The following ABCA4 variants were observed in gnomAD, a reference collection of about 807,000 sequenced individuals.
The protein encoded by ABCA4 is ATP binding cassette subfamily A member 4, also known as retinal-specific phospholipid-transporting ATPase ABCA4.
ABCA4 carries 196 observed loss-of-function variants against 263.7 expected under a neutral mutation model. The ratio of observed to expected loss-of-function variants is 0.74; its 90% CI spans 0.66 to 0.84. The LOEUF is 0.84. ABCA4 is among the 40% of genes least tolerant of loss of function. The pLI is 0.00. For synonymous variants in ABCA4, 1,133 were observed against 1,094.2 expected (o/e 1.04, Z -0.70); for missense variants, 2,792 against 2,855.1 (o/e 0.98, Z 0.50).
At chr1:94,116,977 T>TCTTC (rs1491131048) in intron 1 of ABCA4, among the ~76,000 whole-genome samples, 33 of 97,828 alleles carry the variant, frequency 3.4e-4, no homozygotes, top group Admixed American at 2.6e-3. Context: ...TCTCTTTCTT[T>TCTTC]CTTTCTTTCT....
chr1:94,051,535 C>T (rs949902597), intron 17 of ABCA4, 98 bp downstream of exon 17: 7 of 1,111,964 alleles, frequency 6.3e-6, no homozygotes, highest in Middle Eastern at 2.0e-4. Flanking sequence ...GGAATCACAC[C>T]GTTTACATAG....
chr1:94,119,894 C>G (rs1662900728), intron 1 of ABCA4, among the ~76,000 whole-genome samples: 1 of 152,150 alleles, frequency 6.6e-6, no homozygotes, highest in African/African-American at 2.4e-5. Context: ...CTGTTCTCTT[C>G]TCGCCTAAAG....
In ABCA4 at chr1:94,121,030, G is replaced by C. The variant is rs1028516438; in HGVS notation, c.16C>G (p.Gln6Glu). 1.9e-6 allele frequency: 3 copies of C among 1,613,822 alleles called. No homozygotes were observed. The highest frequency in any genetic ancestry group is 2.5e-6 in the Non-Finnish European group (3 of 1,180,044). Residue 6 changes from glutamine to glutamate, a missense_variant, in exon 1 of 50, where the codon CAG (glutamine) becomes GAG (glutamate). Coordinates refer to ENST00000370225, the MANE Select transcript of ABCA4 (RefSeq NM_000350.3). ...TTCTTCCAGAGCAAAAGCTGTATCTGTCTCACGAAGCCCATGCTAATGACC... is the reference window on the plus strand; with the variant it reads ...TTCTTCCAGAGCAAAAGCTGTATCTCTCTCACGAAGCCCATGCTAATGACC... MGFVR[Q>E]IQLLLWKNWT...
intron 14 of ABCA4, 36 bp from the exon 15 acceptor site, chr1:94,056,858 C>G (rs375911845): frequency 2.6e-6 from 4 of 1,534,564 alleles, no homozygotes; most frequent in South Asian, 2.4e-5. Flanking sequence ...TAACTCCTGC[C>G]CTTGGCCGGA....
chr1:94,079,879 C>T (rs1489754139), intron 8 of ABCA4, among the ~76,000 whole-genome samples: 1 of 152,076 alleles, frequency 6.6e-6, no homozygotes, highest in Non-Finnish European at 1.5e-5. Flanking sequence ...GTGTAGCTAT[C>T]TTAGAGTCCA....
chr1:94,022,044 G>A lies in ABCA4; in HGVS notation c.4668-93C>T, dbSNP rs1240154957. On this transcript the variant is annotated intron_variant, in intron 32 of 49. Transcript: ENST00000370225. ...GTTTTGTAGGGAAACATGAACTTTC[G>A]GGGGAATTGCCTGGACCAGCGAGCA... 1.1e-5 allele frequency: 12 copies of A among 1,068,962 alleles called. No homozygotes were observed. In the Admixed American group the frequency reaches 1.1e-4, roughly 10 times the overall value. The allele number at this position is 1,068,962 out of a possible 1,614,324, so 66.2% of individuals were successfully genotyped here.
Position 94,019,651 on chromosome 1 carries a change from G to T in ABCA4, c.5127C>A (p.Ser1709=). Residue 1709 remains serine, a synonymous_variant, in exon 36 of 50, where the codon TCC becomes TCA. Transcript: ENST00000370225. ...CTCCACTGATAAACTGGAGGTGCTT[G>T]GATTTGTTCACCCGCTCCTGGATCA... is the stretch of plus-strand genomic sequence containing the variant. ...LYLIQERVNK[S]KHLQFISGVS... The T allele has an allele frequency of 6.2e-7, 1 of 1,612,966 alleles. No individual in the cohort carries two copies. The highest frequency in any genetic ancestry group is 8.5e-7 in the Non-Finnish European group (1 of 1,179,548).
intron 44 of ABCA4, among the ~76,000 whole-genome samples, chr1:94,002,671 G>A (rs572097837): frequency 3.3e-5 from 5 of 152,282 alleles, no homozygotes; most frequent in Admixed American, 2.0e-4. Flanking sequence ...TGCCTGGAAT[G>A]TTCCTCCCTA....
intron 3 of ABCA4, among the ~76,000 whole-genome samples, chr1:94,109,557 C>T (rs908349360): frequency 2.0e-5 from 3 of 152,126 alleles, no homozygotes; most frequent in African/African-American, 4.8e-5. Flanking sequence ...TTGCCCAGGC[C>T]GAGGTATTGT....
At position 94,040,138 on chromosome 1, in the gene ABCA4, T is replaced by C; in HGVS notation, c.3523-11A>G. The C allele has an allele frequency of 1.3e-6, 2 of 1,598,372 alleles. No individual in the cohort carries two copies. Among genetic ancestry groups the C allele is most frequent in the Non-Finnish European group, 1.7e-6 (2 of 1,170,182 alleles). On this transcript the variant is annotated splice_polypyrimidine_tract_variant and intron_variant, in intron 23 of 49. Coordinates refer to ENST00000370225, the MANE Select transcript of ABCA4 (RefSeq NM_000350.3). ...GCAGCTGCAGGTCCCCTGCAACAGA[T>C]GGATGGGATGACTGACAAGATGCAC...
At position 94,111,543 on chromosome 1, in the gene ABCA4, A is replaced by G; in HGVS notation, c.197T>C (p.Met66Thr). The G allele has an allele frequency of 5.6e-6, 9 of 1,614,246 alleles. No individual in the cohort carries two copies. The highest frequency in any genetic ancestry group is 7.6e-6 in the Non-Finnish European group (9 of 1,180,032). Residue 66 changes from methionine (M) to threonine (T), a missense_variant, in exon 3 of 50, where the codon ATG becomes ACG. Coordinates refer to ENST00000370225, the MANE Select transcript of ABCA4 (RefSeq NM_000350.3). ...FPNKAMPSAG[M>T]LPWLQGIFCN... ...GAAGATCCCCTGGAGCCACGGCAGC[A>G]TTCCTGCTGAGGGCATCGCCTTGTT...
At chr1:94,078,554 C>A in intron 10 of ABCA4, 36 bp downstream of exon 10, 1 of 633,116 alleles carries the variant, frequency 1.6e-6, no homozygotes, top group Non-Finnish European at 2.9e-6. Flanking sequence ...ACCGCTTCCT[C>A]CTCCCCTCCC....
chr1:94,081,546 A>G (rs1228000258), intron 7 of ABCA4, among the ~76,000 whole-genome samples: 2 of 152,226 alleles, frequency 1.3e-5, no homozygotes, highest in East Asian at 1.9e-4. Flanking sequence ...TAATTTTACC[A>G]ATGAATTCTT....
chr1:94,023,316 T>A, intron 32 of ABCA4, 70 bp downstream of exon 32: 1 of 1,358,880 alleles, frequency 7.4e-7, no homozygotes, highest in Non-Finnish European at 1.0e-6. Flanking sequence ...GGTGTGCCTT[T>A]TAAAAGTGTG....
At chr1:94,117,031 TCTTTCTTTCTTCTTCTTTC>T (rs1662807326) in intron 1 of ABCA4, among the ~76,000 whole-genome samples, 1 of 146,572 alleles carries the variant, frequency 6.8e-6, no homozygotes, top group African/African-American at 2.5e-5. Flanking sequence ...TCTTTCCTTT[TCTTTCTTTCTTCTTCTTTC>T]CTTTCTTTCC....
chr1:94,111,083 G>T (rs1422904104), intron 3 of ABCA4, among the ~76,000 whole-genome samples: 2 of 152,226 alleles, frequency 1.3e-5, no homozygotes, highest in Non-Finnish European at 2.9e-5. Flanking sequence ...TGATCAGGGT[G>T]AGGGAACTGA....
At chr1:94,012,245 A>G (rs1557764354) in intron 38 of ABCA4, among the ~76,000 whole-genome samples, 1 of 152,162 alleles carries the variant, frequency 6.6e-6, no homozygotes, top group Non-Finnish European at 1.5e-5. Flanking sequence ...CTCTTTCTGG[A>G]ATCACTGTGC....
At chr1:94,051,891 T>G (rs2101063715) in intron 16 of ABCA4, among the ~76,000 whole-genome samples, 193 bp from the exon 17 acceptor site, 1 of 152,300 alleles carries the variant, frequency 6.6e-6, no homozygotes, top group Non-Finnish European at 1.5e-5. Flanking sequence ...ATCCACACAG[T>G]CATGTTTTTG....
intron 17 of ABCA4, among the ~76,000 whole-genome samples, chr1:94,049,406 A>G (rs1471415182): frequency 6.6e-6 from 1 of 152,146 alleles, no homozygotes; most frequent in African/African-American, 2.4e-5. Flanking sequence ...TAGGCGTATC[A>G]TGAGGTCAGG....
Sources: allele counts gnomAD v4.1 joint callset (sites outside exome capture counted in the v4.1 genomes callset), GRCh38; gene constraint gnomAD v4.1.1; transcripts MANE v1.5; gene names NCBI Gene and HGNC (gene_info 2026-07-23, HGNC 2026-07-21).